Variants in DKK2 observed in about 807,000 individuals in gnomAD.
DKK2 encodes the protein dickkopf-related protein 2.
A neutral mutation model predicts 28.1 loss-of-function variants in DKK2; 11 were observed. That is an observed-to-expected ratio of 0.39 (90% confidence interval 0.25 to 0.65). The LOEUF (loss-of-function observed/expected upper bound fraction) is 0.65. DKK2 is among the 30% of genes least tolerant of loss of function. The probability of loss-of-function intolerance (pLI) is 0.47; values close to 1 mark genes in which losing one functional copy is unlikely to be tolerated. For missense variants in DKK2, 326 were observed against 335.5 expected (o/e 0.97, Z 0.22); for synonymous variants, 135 against 126.5 (o/e 1.07, Z -0.45).
intron 1 of DKK2, among the ~76,000 whole-genome samples, chr4:107,028,522 G>C (rs372805376): frequency 1.3e-5 from 2 of 151,902 alleles, no homozygotes; most frequent in African/African-American, 4.8e-5. Context: ...TTACTCTTAC[G>C]TTATTGTTGT....
chr4:107,012,553 T>C (rs1723531797), intron 1 of DKK2, among the ~76,000 whole-genome samples: 1 of 151,244 alleles, frequency 6.6e-6, no homozygotes, highest in Non-Finnish European at 1.5e-5. Flanking sequence ...TAGGATATTT[T>C]CAAAGACGGT....
intron 1 of DKK2, among the ~76,000 whole-genome samples, chr4:107,034,488 G>A (rs1723930625): frequency 6.6e-6 from 1 of 152,180 alleles, no homozygotes; most frequent in African/African-American, 2.4e-5. Flanking sequence ...GTCTCTGTGC[G>A]TGTCTATTTG....
intron 1 of DKK2, among the ~76,000 whole-genome samples, chr4:106,931,606 T>G (rs1252969629): frequency 6.6e-6 from 1 of 152,178 alleles, no homozygotes; most frequent in African/African-American, 2.4e-5. Context: ...TTTGCAGTAA[T>G]TTGACATGAT....
intron 1 of DKK2, among the ~76,000 whole-genome samples, chr4:106,931,165 G>T (rs951194896): frequency 6.6e-6 from 1 of 152,082 alleles, no homozygotes; most frequent in Non-Finnish European, 1.5e-5. Flanking sequence ...GGGGATAAGG[G>T]TGTACTGGAT....
intron 1 of DKK2, among the ~76,000 whole-genome samples, chr4:106,977,375 C>T (rs187970056): frequency 6.6e-6 from 1 of 152,180 alleles, no homozygotes; most frequent in African/African-American, 2.4e-5. Flanking sequence ...TTCAGGTACA[C>T]CAATCAAATG....
At chr4:106,942,812 A>G (rs1724720703) in intron 1 of DKK2, among the ~76,000 whole-genome samples, 1 of 152,088 alleles carries the variant, frequency 6.6e-6, no homozygotes, top group African/African-American at 2.4e-5. Flanking sequence ...TGTATCTGGA[A>G]CTATGTTTAG....
At chr4:107,029,066 G>GT (rs1222323186) in intron 1 of DKK2, among the ~76,000 whole-genome samples, 14 of 152,166 alleles carry the variant, frequency 9.2e-5, no homozygotes, top group African/African-American at 3.1e-4. Context: ...GTATTGCTAT[G>GT]GTGCCTGCCT....
chr4:107,006,968 G>A (rs1723446097), intron 1 of DKK2, among the ~76,000 whole-genome samples: 1 of 151,702 alleles, frequency 6.6e-6, no homozygotes, highest in African/African-American at 2.4e-5. Flanking sequence ...AACATCGATA[G>A]ACTCAGAACA....
chr4:106,991,061 T>C (rs571237342), intron 1 of DKK2, among the ~76,000 whole-genome samples: 2 of 152,300 alleles, frequency 1.3e-5, no homozygotes, highest in East Asian at 3.9e-4. Flanking sequence ...AGGAAAAATG[T>C]CCTTCCTCTA....
chr4:107,031,494 A>G (rs928180373), intron 1 of DKK2, among the ~76,000 whole-genome samples: 4 of 152,132 alleles, frequency 2.6e-5, no homozygotes, highest in East Asian at 1.9e-4. Flanking sequence ...AATTTCAAGA[A>G]TTCTTTTCTC....
chr4:107,029,517 A>G (rs1723844985), intron 1 of DKK2, among the ~76,000 whole-genome samples: 1 of 152,196 alleles, frequency 6.6e-6, no homozygotes, highest in South Asian at 2.1e-4. Flanking sequence ...AGAGTGAATA[A>G]TCAATTAATG....
intron 1 of DKK2, among the ~76,000 whole-genome samples, chr4:106,952,287 G>T (rs1001238298): frequency 6.6e-6 from 1 of 152,102 alleles, no homozygotes; most frequent in Admixed American, 6.6e-5. Context: ...TTTAAGTCCA[G>T]AAGTTTTATT....
At chr4:107,000,889 C>T (rs1216528603) in intron 1 of DKK2, among the ~76,000 whole-genome samples, 1 of 152,050 alleles carries the variant, frequency 6.6e-6, no homozygotes, top group Non-Finnish European at 1.5e-5. Flanking sequence ...AGAGTTGAGA[C>T]AAATATCATC....
chr4:106,951,447 C>T (rs1454340496), intron 1 of DKK2, among the ~76,000 whole-genome samples: 2 of 151,984 alleles, frequency 1.3e-5, no homozygotes, highest in Non-Finnish European at 2.9e-5. Context: ...CATCCATCAG[C>T]GGGTGAATGG....
At chr4:107,016,139 C>T (rs970255829) in intron 1 of DKK2, among the ~76,000 whole-genome samples, 2 of 151,792 alleles carry the variant, frequency 1.3e-5, no homozygotes, top group East Asian at 1.9e-4. Flanking sequence ...GGGGCTAAGT[C>T]GCCATCTTAC....
chr4:106,961,407 A>C (rs2110350447), intron 1 of DKK2, among the ~76,000 whole-genome samples: 1 of 152,214 alleles, frequency 6.6e-6, no homozygotes, highest in South Asian at 2.1e-4. Context: ...ACACCATATT[A>C]ATTTTCCTAA....
rs148213449 is a variant in DKK2, at chr4:106,990,605, G to T, written c.222+44765C>A. Among the ~76,000 whole-genome samples, 33 of 152,150 alleles carry T rather than the reference G, an allele frequency of 2.2e-4. No homozygotes were observed. In the East Asian group the frequency reaches 5.8e-3, roughly 27 times the overall value. The stretch of plus-strand genomic sequence containing the variant: ...TTTCCATAGTCTAAATTCTTTCACC[G>T]TGGCTAATTATAAGCTGACAATATG... On this transcript the variant is annotated intron_variant, in intron 1 of 3. Coordinates refer to ENST00000285311, the MANE Select transcript of DKK2 (RefSeq NM_014421.3).
intron 1 of DKK2, among the ~76,000 whole-genome samples, chr4:106,962,579 C>T (rs1338509826): frequency 6.8e-6 from 1 of 146,954 alleles, no homozygotes; most frequent in Non-Finnish European, 1.5e-5. Context: ...AACTAGATGC[C>T]CATCTCTCAC....
chr4:106,967,783 T>A, intron 1 of DKK2, among the ~76,000 whole-genome samples: 1 of 126,788 alleles, frequency 7.9e-6, no homozygotes. Context: ...AGGAAGCAAG[T>A]AAAAGAGAAA....
Sources: allele counts gnomAD v4.1 joint callset (sites outside exome capture counted in the v4.1 genomes callset), GRCh38; gene constraint gnomAD v4.1.1; transcripts MANE v1.5; gene names NCBI Gene and HGNC (gene_info 2026-07-23, HGNC 2026-07-21).